The following PPP1R16B variants were observed in gnomAD, a reference collection of about 807,000 sequenced individuals.
The protein encoded by PPP1R16B is protein phosphatase 1 regulatory inhibitor subunit 16B.
A neutral mutation model predicts 61.7 loss-of-function variants in PPP1R16B; 14 were observed. That is an observed-to-expected ratio of 0.23 (90% confidence interval 0.15 to 0.35). The LOEUF (loss-of-function observed/expected upper bound fraction) is 0.35. PPP1R16B is among the 10% of genes least tolerant of loss of function. The pLI, the probability that PPP1R16B is intolerant of heterozygous loss-of-function variation, is 1.00. For synonymous variants in PPP1R16B, 266 were observed against 305.3 expected (o/e 0.87, Z 1.34); for missense variants, 547 against 752.5 (o/e 0.73, Z 3.19).
intron 1 of PPP1R16B, among the ~76,000 whole-genome samples, chr20:38,812,284 C>T (rs2084706053): frequency 6.6e-6 from 1 of 152,198 alleles, no homozygotes; most frequent in Admixed American, 6.5e-5. Context: ...GGCAGAGGAG[C>T]ATAGGTGCTG....
intron 2 of PPP1R16B, among the ~76,000 whole-genome samples, chr20:38,866,627 C>T (rs1212848926): frequency 6.6e-6 from 1 of 152,124 alleles, no homozygotes; most frequent in African/African-American, 2.4e-5. Flanking sequence ...GCCCGCCATG[C>T]AGGAGATGGC....
In PPP1R16B at chr20:38,908,010, C is replaced by T. The variant is rs774476072; in HGVS notation, c.1029-18C>T. 100 of 1,613,992 alleles carry T rather than the reference C, an allele frequency of 6.2e-5. 1 individual carries two copies. Among genetic ancestry groups the T allele is most frequent in the Non-Finnish European group, 8.3e-5 (98 of 1,180,004 alleles). On this transcript the variant is annotated intron_variant, in intron 9 of 10. Transcript: ENST00000299824. ...TGGTGCCTGGGTGCAGCCTCTAGGA[C>T]CCACTTTGTCCTCTCAGGAAGGTGG...
intron 1 of PPP1R16B, among the ~76,000 whole-genome samples, chr20:38,828,727 T>C: frequency 6.6e-6 from 1 of 152,168 alleles, no homozygotes; most frequent in East Asian, 1.9e-4. Flanking sequence ...CCTCAACCAC[T>C]CACTGTGCTG....
chr20:38,879,209 G>A (rs1052849313), intron 2 of PPP1R16B, among the ~76,000 whole-genome samples: 1 of 152,170 alleles, frequency 6.6e-6, no homozygotes, highest in Non-Finnish European at 1.5e-5. Context: ...GGATAAGGGG[G>A]ACCCTTGCCT....
chr20:38,824,589 T>C (rs892107199), intron 1 of PPP1R16B, among the ~76,000 whole-genome samples: 1 of 152,262 alleles, frequency 6.6e-6, no homozygotes, highest in Non-Finnish European at 1.5e-5. Context: ...GCTCTCTGCG[T>C]TGCCCTCTGT....
chr20:38,871,574 A>T (rs2085129249), intron 2 of PPP1R16B, among the ~76,000 whole-genome samples: 1 of 136,192 alleles, frequency 7.3e-6, no homozygotes, highest in Non-Finnish European at 1.6e-5. Flanking sequence ...GAGAGTAAGG[A>T]AGAGAGGAAC....
chr20:38,871,144 C>T (rs944742004), intron 2 of PPP1R16B, among the ~76,000 whole-genome samples: 6 of 152,156 alleles, frequency 3.9e-5, no homozygotes, highest in Admixed American at 1.3e-4. Context: ...AAGCCGCAAG[C>T]TCAAGCCCAC....
chr20:38,869,648 GA>G, intron 2 of PPP1R16B, among the ~76,000 whole-genome samples: 1 of 152,122 alleles, frequency 6.6e-6, no homozygotes, highest in East Asian at 1.9e-4. Context: ...GCTTTTTCTG[GA>G]AAGTCATGCA....
rs2085097651 is a variant in PPP1R16B, at chr20:38,867,385, A to G, written c.251-22210A>G. 2.6e-5 allele frequency among the ~76,000 whole-genome samples: 4 copies of G among 152,200 alleles called. No individual in the cohort carries two copies. The South Asian group carries it at 8.3e-4, about 32-fold the overall frequency. On this transcript the variant is annotated intron_variant, in intron 2 of 10. Transcript: ENST00000299824. ...TCCAACTCAGGAGTCACCAGGGTCC[A>G]TGGTTCAGATGCTGGGATCTGGAGC... is the stretch of plus-strand genomic sequence containing the variant.
intron 3 of PPP1R16B, among the ~76,000 whole-genome samples, chr20:38,893,604 A>C (rs1368960793): frequency 1.3e-5 from 2 of 151,714 alleles, no homozygotes; most frequent in Non-Finnish European, 1.5e-5. Context: ...AGGCGGGAGG[A>C]GGCGGCTGAC....
intron 4 of PPP1R16B, among the ~76,000 whole-genome samples, 187 bp downstream of exon 4, chr20:38,895,897 C>CCTTCCTTCTTTCTCTCCTCCCTT (rs1568678966): frequency 3.7e-5 from 2 of 53,366 alleles, no homozygotes; most frequent in African/African-American, 1.0e-4. Context: ...TTCCCTCCCT[C>CCTTCCTTCTTTCTCTCCTCCCTT]CCTCCTTCCT....
At chr20:38,846,889 T>C (rs961272554) in intron 2 of PPP1R16B, among the ~76,000 whole-genome samples, 1 of 152,086 alleles carries the variant, frequency 6.6e-6, no homozygotes, top group Non-Finnish European at 1.5e-5. Flanking sequence ...CCTGTGGTCT[T>C]AGCAACTTGC....
Position 38,906,051 on chromosome 20 carries a change from G to T in PPP1R16B, c.779G>T (p.Trp260Leu), listed in dbSNP as rs751387099. 6.2e-6 allele frequency: 10 copies of T among 1,613,608 alleles called. No homozygotes were observed. The highest frequency in any genetic ancestry group is 8.5e-7 in the Non-Finnish European group (1 of 1,179,948). Residue 260 changes from tryptophan to leucine, a missense_variant, in exon 7 of 11, where the codon TGG becomes TTG. Coordinates refer to ENST00000299824, the MANE Select transcript of PPP1R16B (RefSeq NM_015568.4). ...GGAGTGCGTGTGGATGTGAAGGACTGGGATGGCTGGGAGCCCCTGCATGCA... is the reference window on the plus strand; with the variant it reads ...GGAGTGCGTGTGGATGTGAAGGACTTGGATGGCTGGGAGCCCCTGCATGCA... ...DHGVRVDVKD[W>L]DGWEPLHAAA...
intron 1 of PPP1R16B, among the ~76,000 whole-genome samples, chr20:38,815,597 C>A (rs951662983): frequency 2.6e-5 from 4 of 152,236 alleles, no homozygotes; most frequent in Admixed American, 2.6e-4. Flanking sequence ...AGAGGCTGAA[C>A]CAATTTCTGT....
rs553310740 is a variant in PPP1R16B, at chr20:38,838,931, CTTTGT to C, written c.250+2765_250+2769del. On this transcript the variant is annotated intron_variant, in intron 2 of 10. Transcript: ENST00000299824. ...CTATGGGTCCAGTTTTTTTGTTTTG[CTTTGT>C]TTTGTTTTTGAGACGAAGTCTCGCT... Among the ~76,000 whole-genome samples the C allele has an allele frequency of 5.3e-4, 80 of 152,228 alleles. 1 individual carries two copies. Among genetic ancestry groups the C allele is most frequent in the Middle Eastern group, 3.4e-3 (1 of 294 alleles).
intron 10 of PPP1R16B, among the ~76,000 whole-genome samples, chr20:38,914,428 C>T (rs972138873): frequency 1.3e-5 from 2 of 152,086 alleles, no homozygotes; most frequent in East Asian, 3.9e-4. Flanking sequence ...CTCAGTTCAA[C>T]ATTGCCAAGA....
chr20:38,817,694 C>T (rs540312389), intron 1 of PPP1R16B, among the ~76,000 whole-genome samples: 1 of 152,236 alleles, frequency 6.6e-6, no homozygotes, highest in African/African-American at 2.4e-5. Flanking sequence ...AGCTACCTCT[C>T]AAAGAACAAG....
intron 10 of PPP1R16B, among the ~76,000 whole-genome samples, chr20:38,917,824 C>A (rs946178675): frequency 3.3e-5 from 5 of 152,200 alleles, no homozygotes; most frequent in African/African-American, 1.2e-4. Context: ...ACAGAAACTT[C>A]TCTTTCCCAG....
rs1191977592 is a variant in PPP1R16B, at chr20:38,908,078, A to G, written c.1079A>G (p.Lys360Arg). 3.7e-6 allele frequency: 6 copies of G among 1,614,242 alleles called. No homozygotes were observed. The South Asian group carries it at 6.6e-5, about 18-fold the overall frequency. The change falls in exon 10 of 11, where the codon AAG (lysine) becomes AGG (arginine). Residue 360 changes from lysine to arginine, a missense_variant. Lys to Arg is a conservative substitution (Grantham distance 26). Transcript: ENST00000299824. Reference protein sequence around the residue: ...SLSDRTNLYRKEYEGEAILWQ... With the variant: ...SLSDRTNLYRREYEGEAILWQ... ...TCGGACAGGACCAACCTGTATAGGA[A>G]GGAGTATGAGGGAGAGGCCATCCTG...
Sources: allele counts gnomAD v4.1 joint callset (sites outside exome capture counted in the v4.1 genomes callset), GRCh38; gene constraint gnomAD v4.1.1; transcripts MANE v1.5; gene names NCBI Gene and HGNC (gene_info 2026-07-23, HGNC 2026-07-21).